ANKRD44: variants seen among roughly 807,000 people sequenced by gnomAD.
ANKRD44 encodes the protein ankyrin repeat domain 44.
Under a neutral mutation model 116.0 loss-of-function variants are expected in ANKRD44, and 35 were observed. The ratio of observed to expected loss-of-function variants is 0.30; its 90% CI spans 0.23 to 0.40. The LOEUF is 0.40. Ranked by LOEUF, ANKRD44 falls within the 10% of genes least tolerant of loss-of-function variation. The pLI is 1.00. For missense variants in ANKRD44, 1,014 were observed against 1,242.6 expected, an observed-to-expected ratio of 0.82 and a Z score of 2.77; for synonymous variants, 435 against 461.8, an observed-to-expected ratio of 0.94 and a Z score of 0.74.
intron 1 of ANKRD44, among the ~76,000 whole-genome samples, chr2:197,289,437 A>T (rs1273711191): frequency 6.6e-6 from 1 of 152,208 alleles, no homozygotes; most frequent in Non-Finnish European, 1.5e-5. Flanking sequence ...ACTTGCACAT[A>T]ATTATTCATA....
chr2:197,244,596 A>C (rs1285793119), intron 1 of ANKRD44, among the ~76,000 whole-genome samples: 1 of 152,236 alleles, frequency 6.6e-6, no homozygotes, highest in Non-Finnish European at 1.5e-5. Flanking sequence ...CTACCAGTTG[A>C]AACTGTTGCA....
At chr2:197,176,024 A>G (rs1534461) in intron 2 of ANKRD44, among the ~76,000 whole-genome samples, 7,719 of 152,146 alleles carry the variant, frequency 0.051, 627 homozygotes, top group African/African-American at 0.18. Context: ...GGGAGGGCAT[A>G]CCCTTCTTCT....
intron 16 of ANKRD44, among the ~76,000 whole-genome samples, chr2:197,036,027 A>G (rs925837293): frequency 6.6e-6 from 1 of 152,178 alleles, no homozygotes; most frequent in South Asian, 2.1e-4. Context: ...AAGGTGGCAT[A>G]TCTGTAGCAG....
chr2:196,983,452 T>A (rs5016260), downstream of ANKRD44, among the ~76,000 whole-genome samples: 23 of 152,180 alleles, frequency 1.5e-4, no homozygotes, highest in African/African-American at 4.1e-4. Flanking sequence ...GGCACTAGCC[T>A]TTTCCTCTCC....
intron 1 of ANKRD44, among the ~76,000 whole-genome samples, chr2:197,222,873 C>T (rs1407560110): frequency 6.6e-6 from 1 of 151,676 alleles, no homozygotes; most frequent in Non-Finnish European, 1.5e-5. Flanking sequence ...AGTACAGTGG[C>T]ATGATCTTGG....
At chr2:197,139,550 G>C (rs1410002623) in intron 3 of ANKRD44, among the ~76,000 whole-genome samples, 1 of 151,778 alleles carries the variant, frequency 6.6e-6, no homozygotes, top group Non-Finnish European at 1.5e-5. Context: ...AGGGAAAGAG[G>C]AATGTGAAAA....
At chr2:197,022,648 T>G (rs2076519561) in intron 17 of ANKRD44, among the ~76,000 whole-genome samples, 1 of 152,166 alleles carries the variant, frequency 6.6e-6, no homozygotes, top group African/African-American at 2.4e-5. Flanking sequence ...CTTCATCAGA[T>G]GTCAACATGC....
chr2:197,094,328 G>A (rs1421516801), intron 10 of ANKRD44, among the ~76,000 whole-genome samples: 2 of 152,190 alleles, frequency 1.3e-5, no homozygotes, highest in African/African-American at 4.8e-5. Context: ...GACAATTACA[G>A]TGACTCTATC....
intron 1 of ANKRD44, among the ~76,000 whole-genome samples, chr2:197,299,095 A>G (rs549432344): frequency 6.6e-6 from 1 of 152,304 alleles, no homozygotes; most frequent in African/African-American, 2.4e-5. Flanking sequence ...AAGTTTGTTT[A>G]AATCAGAATC....
intron 1 of ANKRD44, among the ~76,000 whole-genome samples, chr2:197,285,683 G>GC (rs1286283805): frequency 6.6e-6 from 1 of 152,144 alleles, no homozygotes; most frequent in Non-Finnish European, 1.5e-5. Flanking sequence ...TCTCAGGCAT[G>GC]CCCCCAGTCA....
chr2:197,212,090 T>C lies in ANKRD44; in HGVS notation c.28-24984A>G, dbSNP rs2081340865. Among the ~76,000 whole-genome samples, 1 of 150,386 alleles carries C rather than the reference T, an allele frequency of 6.6e-6. No homozygotes were observed. The highest frequency in any genetic ancestry group is 2.5e-5 in the African/African-American group (1 of 40,812). On this transcript the variant is annotated intron_variant, in intron 1 of 27. Transcript: ENST00000282272. The surrounding 1 kb of genome is among the most constrained non-coding windows in gnomAD (Gnocchi z 4.8). The stretch of plus-strand genomic sequence containing the variant: ...CACACACACACCCCACAGCACCACT[T>C]TGGGGGAAGGAGAGGAGATATTGCA...
In ANKRD44 at chr2:197,121,650, G is replaced by A. The variant is rs551475914; in HGVS notation, c.694-106C>T. On this transcript the variant is annotated intron_variant, in intron 7 of 27. Transcript: ENST00000282272. ...GGCTAGAGAAAGGAAATAGCCATCC[G>A]CCAATATAATTGTTCAGAGCTTACT... The A allele has an allele frequency of 6.4e-5, 60 of 938,226 alleles. No individual in the cohort carries two copies. In the African/African-American group the frequency reaches 8.5e-4, roughly 13 times the overall value. The allele number at this position is 938,226 out of a possible 1,614,324, so 58.1% of individuals were successfully genotyped here.
chr2:197,133,509 T>C (rs1032813092), intron 4 of ANKRD44, among the ~76,000 whole-genome samples: 2 of 152,200 alleles, frequency 1.3e-5, no homozygotes, highest in African/African-American at 4.8e-5. Context: ...CCCTGAGAGA[T>C]CAATTATCTA....
intron 9 of ANKRD44, among the ~76,000 whole-genome samples, chr2:197,107,546 C>T (rs372363301): frequency 1.8e-4 from 27 of 152,096 alleles, no homozygotes; most frequent in African/African-American, 6.3e-4. Flanking sequence ...CTTACTAAAG[C>T]TGGATGATTC....
chr2:197,278,888 T>A (rs561514193), intron 1 of ANKRD44, among the ~76,000 whole-genome samples: 33 of 152,206 alleles, frequency 2.2e-4, no homozygotes, highest in Non-Finnish European at 4.7e-4. Context: ...GGAGCAAACA[T>A]GCAAGAGAAG....
intron 1 of ANKRD44, among the ~76,000 whole-genome samples, chr2:197,218,445 C>T (rs1385588655): frequency 6.6e-6 from 1 of 152,174 alleles, no homozygotes; most frequent in Non-Finnish European, 1.5e-5. Flanking sequence ...TGGCATTCTG[C>T]AGCCAAAGTG....
chr2:197,078,042 T>A (rs1265207281), intron 16 of ANKRD44: 2 of 152,200 alleles, frequency 1.3e-5, no homozygotes, highest in Non-Finnish European at 2.9e-5. Context: ...AAGAAGGTGT[T>A]AGGATAATTA....
chr2:197,217,359 T>C (rs1172907352), intron 1 of ANKRD44, among the ~76,000 whole-genome samples: 1 of 152,238 alleles, frequency 6.6e-6, no homozygotes, highest in Non-Finnish European at 1.5e-5. Flanking sequence ...GGATTTTCAC[T>C]AAGGTTGGAT....
Position 197,078,802 on chromosome 2 carries a change from A to T in ANKRD44, c.1551T>A (p.Phe517Leu). The T allele has an allele frequency of 1.2e-6, 2 of 1,613,080 alleles. No homozygotes were observed. Among genetic ancestry groups the T allele is most frequent in the Non-Finnish European group, 1.7e-6 (2 of 1,179,296 alleles). Residue 517 changes from phenylalanine to leucine, a missense_variant, in exon 16 of 28, where the codon TTT (phenylalanine) becomes TTA (leucine). Physicochemically the swap from Phe to Leu is conservative, Grantham distance 22. Coordinates refer to ENST00000282272, the MANE Select transcript of ANKRD44 (RefSeq NM_001195144.2). ...KEKEATLCLE[F>L]LLQNDANPSI... ...ATGGATTTGCATCATTTTGAAGCAG[A>T]AACTCTAGACATCTGTAAGTATAAA...
Sources: allele counts gnomAD v4.1 joint callset (sites outside exome capture counted in the v4.1 genomes callset), GRCh38; gene constraint gnomAD v4.1.1; non-coding constraint Gnocchi (gnomAD v3.1); transcripts MANE v1.5; gene names NCBI Gene and HGNC (gene_info 2026-07-23, HGNC 2026-07-21).